Variants in AUTS2 observed in about 807,000 individuals in gnomAD.
AUTS2 encodes the protein activator of transcription and developmental regulator AUTS2.
Under a neutral mutation model 112.4 loss-of-function variants are expected in AUTS2, and 17 were observed. The ratio of observed to expected loss-of-function variants is 0.15; its 90% CI spans 0.10 to 0.23. AUTS2 has a LOEUF of 0.23. Ranked by LOEUF, AUTS2 falls within the 10% of genes least tolerant of loss-of-function variation. The probability of loss-of-function intolerance (pLI) is 1.00; values close to 1 mark genes in which losing one functional copy is unlikely to be tolerated. For synonymous variants in AUTS2, 751 were observed against 702.7 expected, an observed-to-expected ratio of 1.07 and a Z score of -1.09; for missense variants, 1,510 against 1,701.6, an observed-to-expected ratio of 0.89 and a Z score of 1.98.
In AUTS2 at chr7:70,791,138, A is replaced by G. The variant is rs1791926198; in HGVS notation, c.*142A>G. On this transcript the variant is annotated 3_prime_UTR_variant, in exon 19 of 19. Transcript: ENST00000342771. ...CCCCTTGTAAAAAATGTATAGACTCAGTGCACATTTTGAAATGTTTTGTAT... is the reference window on the plus strand; with the variant it reads ...CCCCTTGTAAAAAATGTATAGACTCGGTGCACATTTTGAAATGTTTTGTAT... The G allele has an allele frequency of 2.5e-6, 2 of 798,300 alleles. No individual in the cohort carries two copies. Among genetic ancestry groups the G allele is most frequent in the Admixed American group, 3.9e-5 (1 of 25,830 alleles). 49.5% of individuals were successfully genotyped at this position (798,300 alleles called of 1,614,324 possible).
intron 4 of AUTS2, among the ~76,000 whole-genome samples, chr7:70,264,281 C>T (rs945436687): frequency 6.6e-6 from 1 of 152,186 alleles, no homozygotes; most frequent in Non-Finnish European, 1.5e-5. Context: ...GATCTTGGCT[C>T]ACTGCAACCT....
chr7:70,249,954 AATTT>A (rs1214976173), intron 4 of AUTS2, among the ~76,000 whole-genome samples: 1 of 150,496 alleles, frequency 6.6e-6, no homozygotes, highest in Non-Finnish European at 1.5e-5. Flanking sequence ...TTAAAACATT[AATTT>A]ACTTAAAATA....
At chr7:70,275,962 C>T (rs561185464) in intron 4 of AUTS2, among the ~76,000 whole-genome samples, 188 of 152,258 alleles carry the variant, frequency 1.2e-3, no homozygotes, top group Middle Eastern at 3.4e-3. Flanking sequence ...AATACAGACA[C>T]GCACACATTC....
intron 16 of AUTS2, 115 bp downstream of exon 16, chr7:70,785,134 T>A: frequency 9.4e-7 from 1 of 1,064,866 alleles, no homozygotes; most frequent in Non-Finnish European, 1.4e-6. Context: ...ATACCCTGCT[T>A]ACCATTTAGG....
intron 1 of AUTS2, among the ~76,000 whole-genome samples, chr7:69,619,505 A>T (rs771373022): frequency 6.6e-6 from 1 of 152,152 alleles, no homozygotes; most frequent in African/African-American, 2.4e-5. Context: ...TCACAGGTTT[A>T]TCAGTGAAAT....
chr7:69,947,088 G>A (rs1189677990), intron 2 of AUTS2, among the ~76,000 whole-genome samples: 1 of 152,126 alleles, frequency 6.6e-6, no homozygotes, highest in African/African-American at 2.4e-5. Flanking sequence ...CAGATGCTCC[G>A]TACAAAACTG....
At chr7:70,117,697 G>A (rs1231507848) in intron 2 of AUTS2, among the ~76,000 whole-genome samples, 2 of 151,310 alleles carry the variant, frequency 1.3e-5, no homozygotes, top group Non-Finnish European at 2.9e-5. Flanking sequence ...TTGCCTGGCA[G>A]TATTCAGAAA....
intron 1 of AUTS2, among the ~76,000 whole-genome samples, chr7:69,657,547 G>A (rs187337390): frequency 5.9e-5 from 9 of 152,292 alleles, no homozygotes; most frequent in Admixed American, 2.6e-4. Context: ...GGATTTTGCC[G>A]GAGGTCCTGG....
chr7:69,771,872 C>T (rs1788679319), intron 1 of AUTS2, among the ~76,000 whole-genome samples: 1 of 151,800 alleles, frequency 6.6e-6, no homozygotes, highest in Non-Finnish European at 1.5e-5. Context: ...GCAACCTCCA[C>T]CTCCTGGGTT....
rs148043155 is a variant in AUTS2 at position 70,567,743 on chromosome 7, G to A, written c.691-130826G>A. Among the ~76,000 whole-genome samples the A allele has an allele frequency of 2.3e-3, 343 of 152,274 alleles. 1 individual carries two copies. The highest frequency in any genetic ancestry group is 3.6e-3 in the Non-Finnish European group (244 of 68,018). The stretch of plus-strand genomic sequence containing the variant: ...CTTGAGGGTTCATCAACTCATTTTC[G>A]TTCAAAGCACTTCCTGGTGATTGTT... On this transcript the variant is annotated intron_variant, in intron 5 of 18. Coordinates refer to ENST00000342771, the MANE Select transcript of AUTS2 (RefSeq NM_015570.4).
rs749658188 is a variant in AUTS2, at chr7:70,790,845, A to G, written c.3629A>G (p.Lys1210Arg). 6.2e-7 allele frequency: 1 copy of G among 1,607,292 alleles called. No homozygotes were observed. The highest frequency in any genetic ancestry group is 8.5e-7 in the Non-Finnish European group (1 of 1,176,438). ...TAGNQNGLLN[K>R]TPPTAALSAP... ...GGCAACCAGAACGGACTCCTCAACA[A>G]GACCCCTCCGACAGCAGCGCTGAGC... The change falls in exon 19 of 19, where the codon AAG (lysine) becomes AGG (arginine). Residue 1210 changes from lysine to arginine, a missense_variant. Around this residue, in one of 3 missense-constraint regions of AUTS2, gnomAD observed 788 missense variants for 797.6 expected, o/e 0.99. Transcript: ENST00000342771. The surrounding 1 kb of genome is among the most constrained non-coding windows in gnomAD (Gnocchi z 7.6).
chr7:69,834,162 A>G (rs1311066495), intron 1 of AUTS2, among the ~76,000 whole-genome samples: 1 of 152,090 alleles, frequency 6.6e-6, no homozygotes, highest in Non-Finnish European at 1.5e-5. Context: ...ACTCTTCTTT[A>G]CAGGCTGGCT....
At chr7:70,200,181 G>A (rs1171491930) in intron 4 of AUTS2, among the ~76,000 whole-genome samples, 1 of 12,662 alleles carries the variant, frequency 7.9e-5, no homozygotes, top group Non-Finnish European at 1.5e-4. Flanking sequence ...TCTCTGGGAT[G>A]CATTCAAAGC....
intron 5 of AUTS2, among the ~76,000 whole-genome samples, chr7:70,634,651 G>A (rs1039385252): frequency 3.9e-5 from 6 of 152,246 alleles, no homozygotes; most frequent in Middle Eastern, 3.4e-3. Flanking sequence ...TGAGGAGAAA[G>A]CACGAGGCTA....
At chr7:69,687,377 A>G (rs1343877517) in intron 1 of AUTS2, among the ~76,000 whole-genome samples, 2 of 152,218 alleles carry the variant, frequency 1.3e-5, no homozygotes, top group Non-Finnish European at 2.9e-5. Context: ...AGTGCAAGGT[A>G]GGCACTTTGC....
chr7:70,507,964 G>A (rs1221527820), intron 5 of AUTS2, among the ~76,000 whole-genome samples: 1 of 152,140 alleles, frequency 6.6e-6, no homozygotes, highest in Non-Finnish European at 1.5e-5. Flanking sequence ...TAATTTTTTA[G>A]GTGTTGACTA....
intron 2 of AUTS2, among the ~76,000 whole-genome samples, chr7:69,973,143 A>C (rs1469551497): frequency 6.6e-6 from 1 of 152,134 alleles, no homozygotes; most frequent in African/African-American, 2.4e-5. Flanking sequence ...AGTTTTCAGC[A>C]TACAAGTCCT....
chr7:70,455,673 C>T (rs768205458), intron 5 of AUTS2, among the ~76,000 whole-genome samples: 1 of 152,140 alleles, frequency 6.6e-6, no homozygotes, highest in Non-Finnish European at 1.5e-5. Context: ...GTAGTTTCAG[C>T]TACTTCAAGA....
chr7:70,526,708 C>A (rs1218269093), intron 5 of AUTS2, among the ~76,000 whole-genome samples: 2 of 152,274 alleles, frequency 1.3e-5, no homozygotes, highest in Admixed American at 1.3e-4. Flanking sequence ...CTCTTCATGA[C>A]TGCCCGTCCA....
Sources: gnomAD v4.1 joint callset for allele counts (sites outside exome capture counted in the v4.1 genomes callset) on GRCh38, gnomAD v4.1.1 for gene constraint, gnomAD v4.1.1 regional missense constraint, Gnocchi (gnomAD v3.1) non-coding constraint, MANE v1.5 for transcripts, NCBI Gene and HGNC (gene_info 2026-07-23, HGNC 2026-07-21) for gene names.